Variants in SPTBN4 observed in about 807,000 individuals in gnomAD.
The protein encoded by SPTBN4 is spectrin beta chain, non-erythrocytic 4.
In SPTBN4, 96 loss-of-function variants were observed where a neutral mutation model predicts 277.8. That is an observed-to-expected ratio of 0.35 (90% confidence interval 0.29 to 0.41). The LOEUF is 0.41. Ranked by LOEUF, SPTBN4 falls within the 10% of genes least tolerant of loss-of-function variation. The pLI is 1.00. For synonymous variants in SPTBN4, 1,481 were observed against 1,580.3 expected, an observed-to-expected ratio of 0.94 and a Z score of 1.49; for missense variants, 3,006 against 3,595.7, an observed-to-expected ratio of 0.84 and a Z score of 4.19.
intron 3 of SPTBN4, among the ~76,000 whole-genome samples, chr19:40,488,914 C>T (rs907680687): frequency 2.3e-4 from 35 of 152,170 alleles, no homozygotes; most frequent in African/African-American, 7.0e-4. Flanking sequence ...CCTCCAGCCT[C>T]GGCCTCCCAA....
At chr19:40,538,121 G>C (rs977658194) in intron 20 of SPTBN4, among the ~76,000 whole-genome samples, 10 of 152,200 alleles carry the variant, frequency 6.6e-5, no homozygotes, top group African/African-American at 1.9e-4. Flanking sequence ...AGACGCAGTG[G>C]CTCACGCCTG....
At position 40,483,987 on chromosome 19, in the gene SPTBN4, C is replaced by T. The variant is rs906784089; in HGVS notation, c.170-3710C>T. 3.9e-5 allele frequency among the ~76,000 whole-genome samples: 6 copies of T among 152,186 alleles called. 1 individual carries two copies. Among genetic ancestry groups the T allele is most frequent in the African/African-American group, 7.2e-5 (3 of 41,532 alleles). On this transcript the variant is annotated intron_variant, in intron 2 of 35. Coordinates refer to ENST00000598249, the MANE Select transcript of SPTBN4 (RefSeq NM_020971.3). ...AGCTCTTCGCAAAGCTGAGGTGGAACGATGGCTTGAGCCTGGGAGGCAGAG... is the reference window on the plus strand; with the variant it reads ...AGCTCTTCGCAAAGCTGAGGTGGAATGATGGCTTGAGCCTGGGAGGCAGAG...
chr19:40,492,442 A>G (rs1415769964), intron 4 of SPTBN4, among the ~76,000 whole-genome samples: 1 of 152,136 alleles, frequency 6.6e-6, no homozygotes, highest in East Asian at 1.9e-4. Flanking sequence ...CTTGTGATTC[A>G]GGAAAAAGGC....
At chr19:40,522,658 T>C (rs926376704) in intron 16 of SPTBN4, among the ~76,000 whole-genome samples, 2 of 151,886 alleles carry the variant, frequency 1.3e-5, no homozygotes, top group African/African-American at 4.8e-5. Flanking sequence ...GGCCTAATAT[T>C]AACCAAATAT....
intron 13 of SPTBN4, among the ~76,000 whole-genome samples, chr19:40,508,612 T>G (rs1228612772): frequency 3.9e-5 from 6 of 152,124 alleles, no homozygotes; most frequent in Non-Finnish European, 8.8e-5. Context: ...CGCTTGAATC[T>G]GGGAGGCGGA....
At chr19:40,469,429 T>G (rs2079860323) in intron 1 of SPTBN4, among the ~76,000 whole-genome samples, 1 of 151,626 alleles carries the variant, frequency 6.6e-6, no homozygotes, top group African/African-American at 2.4e-5. Context: ...CTTGCCCACC[T>G]AATTTTTGTG....
At chr19:40,498,420 T>TA (rs35875221) in intron 7 of SPTBN4, among the ~76,000 whole-genome samples, 97 of 146,376 alleles carry the variant, frequency 6.6e-4, no homozygotes, top group Non-Finnish European at 9.8e-4. Flanking sequence ...TTTATTTATT[T>TA]TTTTAGATGG....
Position 40,567,965 on chromosome 19 carries a change from C to G in SPTBN4, c.6639C>G (p.Asp2213Glu). Residue 2213 changes from aspartate (D) to glutamate (E), a missense_variant, in exon 31 of 36, where the codon GAC becomes GAG. This residue lies in a region of SPTBN4 where 630 missense variants were observed against 677.6 expected (regional missense o/e 0.93). Transcript: ENST00000598249. Reference protein sequence around the residue: ...EPAALPAAPEDAAETPATPAA... With the variant: ...EPAALPAAPEEAAETPATPAA... ...CGGCCCTGCCGGCCGCACCAGAGGA[C>G]GCGGCGGAGACCCCCGCGACCCCCG... is the stretch of plus-strand genomic sequence containing the variant. The G allele has an allele frequency of 6.7e-7, 1 of 1,502,012 alleles. No individual in the cohort carries two copies. Among genetic ancestry groups the G allele is most frequent in the Non-Finnish European group, 8.8e-7 (1 of 1,131,574 alleles). 93.0% of individuals were successfully genotyped at this position (1,502,012 alleles called of 1,614,324 possible).
At chr19:40,493,588 C>T (rs575922359) in intron 5 of SPTBN4, among the ~76,000 whole-genome samples, 24 of 152,050 alleles carry the variant, frequency 1.6e-4, no homozygotes, top group African/African-American at 3.6e-4. Flanking sequence ...TGGTGGCAGA[C>T]GTCTGTAGTC....
At chr19:40,535,714 C>T (rs910709113) in intron 20 of SPTBN4, among the ~76,000 whole-genome samples, 5 of 152,132 alleles carry the variant, frequency 3.3e-5, no homozygotes, top group African/African-American at 9.7e-5. Context: ...GGGCGGATCA[C>T]GAGGTCAACA....
intron 22 of SPTBN4, among the ~76,000 whole-genome samples, chr19:40,552,885 G>A (rs1031407993): frequency 6.6e-6 from 1 of 152,102 alleles, no homozygotes; most frequent in African/African-American, 2.4e-5. Flanking sequence ...GATACACAGG[G>A]GCTGTTAAGC....
Position 40,513,296 on chromosome 19 carries a change from T to A in SPTBN4, c.2507T>A (p.Leu836Gln), listed in dbSNP as rs371866622. The A allele has an allele frequency of 1.4e-5, 21 of 1,553,824 alleles. No individual in the cohort carries two copies. The African/African-American group carries it at 2.2e-4, about 16-fold the overall frequency. Residue 836 changes from leucine to glutamine, a missense_variant, in exon 14 of 36, where the codon CTG becomes CAG. Physicochemically the swap from Leu to Gln is moderately radical, Grantham distance 113 (BLOSUM62 -2). Coordinates refer to ENST00000598249, the MANE Select transcript of SPTBN4 (RefSeq NM_020971.3). ...RGPVSGLRRQLATLGGASGAG... is the reference protein window; with the variant it reads ...RGPVSGLRRQQATLGGASGAG... ...CCCGTGAGCGGCCTGCGGCGCCAGCTGGCGACACTCGGGGGTGCCAGTGGC... is the reference window on the plus strand; with the variant it reads ...CCCGTGAGCGGCCTGCGGCGCCAGCAGGCGACACTCGGGGGTGCCAGTGGC...
chr19:40,492,152 C>T (rs547922876), intron 4 of SPTBN4, among the ~76,000 whole-genome samples: 5 of 151,824 alleles, frequency 3.3e-5, no homozygotes, highest in Non-Finnish European at 7.4e-5. Context: ...TATGGGGAAG[C>T]AACAAGGGGC....
At chr19:40,533,054 C>G (rs948522648) in intron 19 of SPTBN4, among the ~76,000 whole-genome samples, 1 of 152,120 alleles carries the variant, frequency 6.6e-6, no homozygotes, top group Non-Finnish European at 1.5e-5. Flanking sequence ...CCTCCTCTAC[C>G]AGGTTCCTTC....
intron 27 of SPTBN4, among the ~76,000 whole-genome samples, chr19:40,561,907 GTCTC>G (rs1599813590): frequency 6.6e-6 from 1 of 152,162 alleles, no homozygotes; most frequent in East Asian, 1.9e-4. Context: ...AGCTGGCAAA[GTCTC>G]TCTGAGGATG....
chr19:40,570,274 G>A (rs987956049), intron 32 of SPTBN4, among the ~76,000 whole-genome samples, 162 bp from the exon 33 acceptor site: 2 of 149,974 alleles, frequency 1.3e-5, no homozygotes, highest in African/African-American at 4.9e-5. Context: ...AGACCCATGG[G>A]GCCCTAAGAA....
chr19:40,509,747 G>A (rs993045257), intron 13 of SPTBN4, among the ~76,000 whole-genome samples: 1 of 152,166 alleles, frequency 6.6e-6, no homozygotes, highest in African/African-American at 2.4e-5. Context: ...TGGAATCTTG[G>A]AGCATTATTC....
Position 40,575,608 on chromosome 19 carries a change from C to T in SPTBN4, c.*39C>T. On this transcript the variant is annotated 3_prime_UTR_variant, in exon 36 of 36. Coordinates refer to ENST00000598249, the MANE Select transcript of SPTBN4 (RefSeq NM_020971.3). ...GGACCTGACACATCTCGTCTCCCCT[C>T]TTTTCCGCACTGTGGGCACAAAGAC... is the stretch of plus-strand genomic sequence containing the variant. The T allele has an allele frequency of 6.4e-7, 1 of 1,572,842 alleles. No homozygotes were observed. Among genetic ancestry groups the T allele is most frequent in the East Asian group, 2.3e-5 (1 of 43,948 alleles).
intron 3 of SPTBN4, among the ~76,000 whole-genome samples, chr19:40,489,686 G>A (rs1465696838): frequency 6.6e-6 from 1 of 152,152 alleles, no homozygotes; most frequent in Admixed American, 6.6e-5. Context: ...CTACGCCGGG[G>A]CGGCCATGGG....
Sources: allele counts gnomAD v4.1 joint callset (sites outside exome capture counted in the v4.1 genomes callset), GRCh38; gene constraint gnomAD v4.1.1; regional missense constraint gnomAD v4.1.1; transcripts MANE v1.5; gene names NCBI Gene and HGNC (gene_info 2026-07-23, HGNC 2026-07-21).